The following POLD2 variants were observed in gnomAD, a reference collection of about 807,000 sequenced individuals.
POLD2 encodes the protein DNA polymerase delta subunit 2.
In POLD2, 31 loss-of-function variants were observed where a neutral mutation model predicts 48.8. That is an observed-to-expected ratio of 0.64 (90% CI 0.48 to 0.86). The LOEUF is 0.86. Among genes scored for constraint, POLD2 ranks in the 40% least tolerant of loss-of-function variants. The probability of loss-of-function intolerance (pLI) is 0.00; values close to 1 mark genes in which losing one functional copy is unlikely to be tolerated. For synonymous variants in POLD2, 233 were observed against 256.3 expected (o/e 0.91, Z 0.87); for missense variants, 455 against 610.1 (o/e 0.75, Z 2.68).
In POLD2 at chr7:44,116,673, G is replaced by T; in HGVS notation, c.780+144C>A. On this transcript the variant is annotated intron_variant, in intron 6 of 10. Coordinates refer to ENST00000610533, the MANE Select transcript of POLD2 (RefSeq NM_006230.4). This position sits in a 1 kb window ranked among gnomAD's most constrained non-coding sequence, Gnocchi z 6.1. ...GGGCCTGGGCATGAGGAGCCCCATT[G>T]CAGGAGGCCCCAGAGTCACTGCAGG... The T allele has an allele frequency of 2.0e-6, 2 of 1,010,298 alleles. No individual in the cohort carries two copies. The highest frequency in any genetic ancestry group is 2.9e-6 in the Non-Finnish European group (2 of 678,864). The allele number at this position is 1,010,298 out of a possible 1,614,324, so 62.6% of individuals were successfully genotyped here. A position where few individuals can be genotyped will look rare whatever the true frequency, so the allele number is the denominator to read the frequency against.
intron 1 of POLD2, 137 bp from the exon 2 acceptor site, chr7:44,122,246 T>C (rs1410478330): frequency 2.8e-6 from 4 of 1,424,966 alleles, no homozygotes; most frequent in African/African-American, 1.4e-5. Flanking sequence ...TTGTGTCCAC[T>C]TGGAAATTTA....
In POLD2 at chr7:44,115,389, G is replaced by A. The variant is rs781330442; in HGVS notation, c.1155C>T (p.Tyr385=). ...SPTAPDTLGC[Y]PFYKTDPFIF... ...TGAACGGGTCAGTTTTGTAGAAGGG[G>A]TAACAACCTGGAGGAGAAGGGGCAG... The change falls in exon 10 of 11, where the codon TAC becomes TAT. Residue 385 remains tyrosine, a synonymous_variant. Transcript: ENST00000610533. 8 of 1,608,252 alleles carry A rather than the reference G, an allele frequency of 5.0e-6. No individual in the cohort carries two copies. The South Asian group carries it at 5.5e-5, about 11-fold the overall frequency.
Position 44,116,776 on chromosome 7 carries a change from C to A in POLD2, c.780+41G>T, listed in dbSNP as rs372844709. Reference sequence around the variant, plus strand: ...AAGGAGGGTCTTACAGGCTTGCAGGCTCCTGGGCTGGGGCTGAATGCAGCC... The same window carrying A: ...AAGGAGGGTCTTACAGGCTTGCAGGATCCTGGGCTGGGGCTGAATGCAGCC... On this transcript the variant is annotated intron_variant, in intron 6 of 10. Coordinates refer to ENST00000610533, the MANE Select transcript of POLD2 (RefSeq NM_006230.4). This position sits in a 1 kb window ranked among gnomAD's most constrained non-coding sequence, Gnocchi z 6.1. The A allele has an allele frequency of 3.7e-6, 6 of 1,601,730 alleles. No individual in the cohort carries two copies. The African/African-American group carries it at 8.0e-5, about 21-fold the overall frequency.
At position 44,121,845 on chromosome 7, in the gene POLD2, T is replaced by G; in HGVS notation, c.209A>C (p.Gln70Pro). Residue 70 changes from glutamine (Q) to proline (P), a missense_variant, in exon 2 of 11, where the codon CAG (glutamine) becomes CCG (proline). This residue lies in a region of POLD2 where 349 missense variants were observed against 437.4 expected (regional missense o/e 0.80). Transcript: ENST00000610533. The surrounding 1 kb of genome is among the most constrained non-coding windows in gnomAD (Gnocchi z 4.5). ...AAACTCTCACTTACCCCAGTGCTGC[T>G]GGGCCCGGTTCTCCAGGAAGGGTCT... ...QMRPFLENRA[Q>P]QHWGSGVGVK... 6.2e-7 allele frequency: 1 copy of G among 1,612,806 alleles called. No homozygotes were observed. Among genetic ancestry groups the G allele is most frequent in the Non-Finnish European group, 8.5e-7 (1 of 1,179,862 alleles).
At chr7:44,119,593 T>C (rs2096245566) in intron 2 of POLD2, among the ~76,000 whole-genome samples, 1 of 152,214 alleles carries the variant, frequency 6.6e-6, no homozygotes, top group South Asian at 2.1e-4. Context: ...GTAGATATTA[T>C]CACCCAACTG....
At position 44,123,307 on chromosome 7, in the gene POLD2, T is replaced by C. The variant is rs1049263174; in HGVS notation, c.-57+204A>G. 85 of 1,365,180 alleles carry C rather than the reference T, an allele frequency of 6.2e-5. No homozygotes were observed. In the African/African-American group the frequency reaches 1.2e-3, roughly 20 times the overall value. The allele number at this position is 1,365,180 out of a possible 1,614,324, so 84.6% of individuals were successfully genotyped here. On this transcript the variant is annotated intron_variant, in intron 1 of 10. Coordinates refer to ENST00000610533, the MANE Select transcript of POLD2 (RefSeq NM_006230.4). Reference sequence around the variant, plus strand: ...GAGCTTTTGGCTCGAACGTGCTTGATGGCGGCAGCAGCCAGGCCGCGCTAC... The same window carrying C: ...GAGCTTTTGGCTCGAACGTGCTTGACGGCGGCAGCAGCCAGGCCGCGCTAC...
chr7:44,117,447 C>T, intron 4 of POLD2, 172 bp downstream of exon 4: 1 of 849,180 alleles, frequency 1.2e-6, no homozygotes, highest in Non-Finnish European at 1.8e-6. Flanking sequence ...CCAGGTCTCA[C>T]CCAATCTGAT....
rs147647748 is a variant in POLD2, at chr7:44,114,821, C to T, written c.1374G>A (p.Glu458=). The T allele has an allele frequency of 4.3e-6, 7 of 1,613,564 alleles. No homozygotes were observed. Among genetic ancestry groups the T allele is most frequent in the Non-Finnish European group, 8.5e-7 (1 of 1,179,642 alleles). Residue 458 remains glutamate (E), a synonymous_variant, in exon 11 of 11, where the codon GAG becomes GAA. Coordinates refer to ENST00000610533, the MANE Select transcript of POLD2 (RefSeq NM_006230.4). ...QPISFSGFGA[E]DDDLGGLGLG... ...GCCCCAGGCCTCCCAGGTCATCGTCCTCTGCCCCGAAGCCCGAGAAGCTGA... is the reference window on the plus strand; with the variant it reads ...GCCCCAGGCCTCCCAGGTCATCGTCTTCTGCCCCGAAGCCCGAGAAGCTGA...
chr7:44,117,477 C>T, intron 4 of POLD2, 142 bp downstream of exon 4: 2 of 1,078,370 alleles, frequency 1.9e-6, no homozygotes, highest in East Asian at 2.6e-5. Context: ...CCGCCTGGAG[C>T]CTCACCTACC....
chr7:44,118,206 C>G (rs930258751), intron 2 of POLD2, 142 bp from the exon 3 acceptor site: 27 of 944,856 alleles, frequency 2.9e-5, no homozygotes, highest in Non-Finnish European at 3.9e-5. Context: ...ACAAGGACCC[C>G]CTGGACTTCA....
chr7:44,120,775 T>G (rs945484868), intron 2 of POLD2, among the ~76,000 whole-genome samples: 1 of 152,310 alleles, frequency 6.6e-6, no homozygotes, highest in East Asian at 1.9e-4. Flanking sequence ...TCTGCCATGA[T>G]TGTTAAGTTT....
intron 2 of POLD2, among the ~76,000 whole-genome samples, chr7:44,120,710 C>G (rs1227218355): frequency 6.6e-6 from 1 of 152,080 alleles, no homozygotes; most frequent in Non-Finnish European, 1.5e-5. Flanking sequence ...TTGGCAGTTC[C>G]CCTTGCTCTC....
At chr7:44,117,105 G>A (rs1325718911) in intron 5 of POLD2, 28 bp downstream of exon 5, 1 of 1,611,394 alleles carries the variant, frequency 6.2e-7, no homozygotes. Context: ...CCATGAGCTG[G>A]TTCCAGCTCC....
intron 8 of POLD2, 41 bp from the exon 9 acceptor site, chr7:44,115,934 A>C: frequency 6.2e-7 from 1 of 1,613,944 alleles, no homozygotes; most frequent in South Asian, 1.1e-5. Context: ...TTTGGGTGCC[A>C]CCCATAGTGG....
intron 10 of POLD2, 88 bp from the exon 11 acceptor site, chr7:44,115,033 T>C (rs146004338): frequency 1.2e-4 from 142 of 1,185,780 alleles, no homozygotes; most frequent in African/African-American, 2.3e-4. Context: ...GGAGTCCCCA[T>C]TGGCACACAG....
At chr7:44,120,545 C>T (rs560915416) in intron 2 of POLD2, among the ~76,000 whole-genome samples, 2 of 152,282 alleles carry the variant, frequency 1.3e-5, no homozygotes, top group South Asian at 4.1e-4. Flanking sequence ...GGCTCTGTGT[C>T]CCCACCCACA....
chr7:44,116,229 G>C lies in POLD2; in HGVS notation c.905C>G (p.Thr302Ser), dbSNP rs1430898434. ...VDVMPGEFDPTNYTLPQQPLH... is the reference protein window; with the variant it reads ...VDVMPGEFDPSNYTLPQQPLH... ...GGGCTGCTGGGGGAGCGTGTAATTG[G>C]TGGGATCAAACTCGCCTGGCATCAC... The change falls in exon 8 of 11, where the codon ACC becomes AGC. Residue 302 changes from threonine (T) to serine (S), a missense_variant. Coordinates refer to ENST00000610533, the MANE Select transcript of POLD2 (RefSeq NM_006230.4). This position sits in a 1 kb window ranked among gnomAD's most constrained non-coding sequence, Gnocchi z 6.1. The C allele has an allele frequency of 1.9e-6, 3 of 1,613,472 alleles. No individual in the cohort carries two copies. Among genetic ancestry groups the C allele is most frequent in the Non-Finnish European group, 2.5e-6 (3 of 1,179,710 alleles).
intron 4 of POLD2, 117 bp downstream of exon 4, chr7:44,117,502 C>T (rs1422015294): frequency 1.0e-5 from 13 of 1,286,530 alleles, no homozygotes; most frequent in South Asian, 5.6e-5. Context: ...CAAGAACACA[C>T]GTGTGCCCAG....
chr7:44,116,796 G>A lies in POLD2; in HGVS notation c.780+21C>T, dbSNP rs1302310388. ...GCAGGCTCCTGGGCTGGGGCTGAAT[G>A]CAGCCAGGTGGGCTCCATACCTTAT... is the stretch of plus-strand genomic sequence containing the variant. On this transcript the variant is annotated intron_variant, in intron 6 of 10. Coordinates refer to ENST00000610533, the MANE Select transcript of POLD2 (RefSeq NM_006230.4). The surrounding 1 kb of genome is among the most constrained non-coding windows in gnomAD (Gnocchi z 6.1). The A allele has an allele frequency of 6.2e-7, 1 of 1,610,724 alleles. No individual in the cohort carries two copies. The highest frequency in any genetic ancestry group is 1.1e-5 in the South Asian group (1 of 90,970).
Sources: gnomAD v4.1 joint callset for allele counts (sites outside exome capture counted in the v4.1 genomes callset) on GRCh38, gnomAD v4.1.1 for gene constraint, gnomAD v4.1.1 regional missense constraint, Gnocchi (gnomAD v3.1) non-coding constraint, MANE v1.5 for transcripts, NCBI Gene and HGNC (gene_info 2026-07-23, HGNC 2026-07-21) for gene names.